The following PPIE variants were observed in gnomAD, a reference collection of about 807,000 sequenced individuals.
The protein encoded by PPIE is peptidyl-prolyl cis-trans isomerase E.
In PPIE, 20 loss-of-function variants were observed where a neutral mutation model predicts 38.4. The observed-to-expected ratio is 0.52, with a 90% CI of 0.37 to 0.76. The LOEUF (loss-of-function observed/expected upper bound fraction) is 0.76, where lower values mean the gene tolerates loss of function less well. PPIE is among the 30% of genes least tolerant of loss of function. The pLI, the probability that PPIE is intolerant of heterozygous loss-of-function variation, is 0.00. For synonymous variants in PPIE, 142 were observed against 135.7 expected (o/e 1.05, Z -0.32); for missense variants, 322 against 385.8 (o/e 0.83, Z 1.39).
At chr1:39,745,198 G>A (rs1402302804) in intron 6 of PPIE, among the ~76,000 whole-genome samples, 177 bp from the exon 7 acceptor site, 2 of 152,228 alleles carry the variant, frequency 1.3e-5, no homozygotes, top group Non-Finnish European at 2.9e-5. Flanking sequence ...ATCCAGCTGG[G>A]TGCTACGGCC....
chr1:39,760,851 C>G (rs924989830), downstream of PPIE, among the ~76,000 whole-genome samples: 1 of 152,176 alleles, frequency 6.6e-6, no homozygotes, highest in Non-Finnish European at 1.5e-5. Context: ...GCCAAGGGCT[C>G]AGACTTCCTC....
chr1:39,741,873 T>G (rs763299042), intron 3 of PPIE, 22 bp from the exon 4 acceptor site: 5 of 1,614,118 alleles, frequency 3.1e-6, no homozygotes, highest in African/African-American at 1.3e-5. Flanking sequence ...CCTAAACTTG[T>G]ACCTTTGTCT....
chr1:39,754,541 C>T lies in PPIE; in HGVS notation c.*1186C>T, dbSNP rs984620677. On this transcript the variant is annotated 3_prime_UTR_variant, in exon 10 of 10. Transcript: ENST00000324379. ...ACATTATGGAGGGTAATCTGCTTTACTCTCTACTGACTTAAATATTAATCC... is the reference window on the plus strand; with the variant it reads ...ACATTATGGAGGGTAATCTGCTTTATTCTCTACTGACTTAAATATTAATCC... 6.6e-6 allele frequency among the ~76,000 whole-genome samples: 1 copy of T among 152,158 alleles called. No homozygotes were observed. Among genetic ancestry groups the T allele is most frequent in the Non-Finnish European group, 1.5e-5 (1 of 68,026 alleles).
rs879837850 is a variant in PPIE at position 39,755,699 on chromosome 1, CTG to C, written c.*2345_*2346del. 58 of 985,294 alleles carry C rather than the reference CTG, an allele frequency of 5.9e-5. No individual in the cohort carries two copies. Among genetic ancestry groups the C allele is most frequent in the Non-Finnish European group, 6.4e-5 (53 of 829,924 alleles). The allele number at this position is 985,294 out of a possible 1,614,324, so 61.0% of individuals were successfully genotyped here. ...TGTCACTCTGTTCCTCCCTGATACT[CTG>C]GGGAGGTGGAGGCCAGTGGGCAGTT... On this transcript the variant is annotated 3_prime_UTR_variant, in exon 10 of 10. Transcript: ENST00000324379.
downstream of PPIE, among the ~76,000 whole-genome samples, chr1:39,761,608 C>T (rs1648990006): frequency 1.3e-5 from 2 of 152,262 alleles, no homozygotes; most frequent in East Asian, 3.9e-4. Flanking sequence ...GTGTCACCTC[C>T]CTCCGCCCTC....
chr1:39,753,427 G>C lies in PPIE; in HGVS notation c.*72G>C. The C allele has an allele frequency of 3.8e-6, 6 of 1,584,184 alleles. No individual in the cohort carries two copies. The highest frequency in any genetic ancestry group is 5.1e-6 in the Non-Finnish European group (6 of 1,165,080). On this transcript the variant is annotated 3_prime_UTR_variant, in exon 10 of 10. Transcript: ENST00000324379. ...CAGGAAGGAACTGCCAGCCTCAGAG[G>C]AGGCAGCACCGAGGGTGCCTGTTTG...
chr1:39,743,382 A>G, intron 5 of PPIE, 85 bp downstream of exon 5: 1 of 1,210,276 alleles, frequency 8.3e-7, no homozygotes, highest in African/African-American at 1.5e-5. Flanking sequence ...ACTTGGAAGT[A>G]GATGCTAAAT....
intron 9 of PPIE, chr1:39,763,679 G>A: frequency 6.3e-7 from 1 of 1,579,188 alleles, no homozygotes; most frequent in Non-Finnish European, 8.7e-7. Context: ...GGTGGTGATT[G>A]TCATTTCAGA....
chr1:39,743,399 T>G, intron 5 of PPIE, 102 bp downstream of exon 5: 1 of 990,690 alleles, frequency 1.0e-6, no homozygotes, highest in Non-Finnish European at 1.6e-6. Context: ...AAATGCTGCT[T>G]CCTGGTAGAT....
intron 8 of PPIE, among the ~76,000 whole-genome samples, chr1:39,749,722 TCTC>T (rs1647513946): frequency 6.6e-6 from 1 of 152,192 alleles, no homozygotes; most frequent in South Asian, 2.1e-4. Context: ...ATCCTGTCCC[TCTC>T]CTCTACTTAG....
chr1:39,763,006 C>A, intron 9 of PPIE: 1 of 1,517,292 alleles, frequency 6.6e-7, no homozygotes, highest in Non-Finnish European at 9.1e-7. Context: ...CAGGTGGCCT[C>A]ACTGCCCTCC....
At position 39,753,311 on chromosome 1, in the gene PPIE, C is replaced by T. The variant is rs1298110721; in HGVS notation, c.862C>T (p.Pro288Ser). Residue 288 changes from proline to serine, a missense_variant, in exon 10 of 10, where the codon CCA becomes TCA. Transcript: ENST00000324379. Reference protein sequence around the residue: ...IEAQGSKDGKPKQKVIIADCG... With the variant: ...IEAQGSKDGKSKQKVIIADCG... ...GGCCCAGGGCAGCAAGGACGGGAAGCCAAAGCAGAAGGTGATCATCGCCGA... is the reference window on the plus strand; with the variant it reads ...GGCCCAGGGCAGCAAGGACGGGAAGTCAAAGCAGAAGGTGATCATCGCCGA... 6.2e-7 allele frequency: 1 copy of T among 1,614,200 alleles called. No homozygotes were observed. Among genetic ancestry groups the T allele is most frequent in the African/African-American group, 1.3e-5 (1 of 75,064 alleles).
intron 4 of PPIE, chr1:39,742,576 C>T (rs911096346): frequency 6.8e-6 from 1 of 146,468 alleles, no homozygotes; most frequent in South Asian, 2.2e-4. Flanking sequence ...ATTACAGGCT[C>T]AAGCCAACAG....
intron 2 of PPIE, 86 bp downstream of exon 2, chr1:39,740,349 A>G: frequency 4.8e-6 from 5 of 1,047,468 alleles, no homozygotes; most frequent in Non-Finnish European, 7.2e-6. Context: ...CTAAATATGC[A>G]TTCTAAATAT....
intron 9 of PPIE, chr1:39,763,538 AC>A: frequency 9.5e-7 from 1 of 1,055,590 alleles, no homozygotes; most frequent in Non-Finnish European, 1.3e-6. Flanking sequence ...AAAAAACTGA[AC>A]AAAAAAAAAA....
chr1:39,743,401 C>G, intron 5 of PPIE, 104 bp downstream of exon 5: 1 of 983,714 alleles, frequency 1.0e-6, no homozygotes, highest in South Asian at 1.4e-5. Context: ...ATGCTGCTTC[C>G]TGGTAGATAG....
At chr1:39,753,182 C>T in intron 9 of PPIE, 105 bp from the exon 10 acceptor site, 1 of 1,586,200 alleles carries the variant, frequency 6.3e-7, no homozygotes, top group Non-Finnish European at 8.6e-7. Flanking sequence ...GCTGCTGCTG[C>T]CCAGGTTCCG....
At chr1:39,747,352 T>C (rs1405379994) in intron 7 of PPIE, 6 of 152,178 alleles carry the variant, frequency 3.9e-5, no homozygotes, top group African/African-American at 7.2e-5. Flanking sequence ...GGTAACTCTG[T>C]ATTTAACTTT....
At chr1:39,748,511 G>T (rs1201385147) in intron 7 of PPIE, 2 of 195,024 alleles carry the variant, frequency 1.0e-5, no homozygotes, top group Admixed American at 5.3e-5. Context: ...GCCAAGGTGG[G>T]CGGATCATCT....
Sources: gnomAD v4.1 joint callset for allele counts (sites outside exome capture counted in the v4.1 genomes callset) on GRCh38, gnomAD v4.1.1 for gene constraint, MANE v1.5 for transcripts, NCBI Gene and HGNC (gene_info 2026-07-23, HGNC 2026-07-21) for gene names.